The following TNNI2 variants were observed in gnomAD, a reference collection of about 807,000 sequenced individuals.
TNNI2 encodes the protein troponin I2, fast skeletal type.
TNNI2 carries 14 observed loss-of-function variants against 26.5 expected under a neutral mutation model. That is an observed-to-expected ratio of 0.53 (90% confidence interval 0.35 to 0.83). The LOEUF (loss-of-function observed/expected upper bound fraction) is 0.83. TNNI2 is among the 40% of genes least tolerant of loss of function. The pLI is 0.01. For missense variants in TNNI2, 205 were observed against 248.5 expected (o/e 0.82, Z 1.18); for synonymous variants, 126 against 97.6 (o/e 1.29, Z -1.71).
chr11:1,839,690 C>T lies in TNNI2; in HGVS notation c.-7C>T. The T allele has an allele frequency of 1.9e-6, 3 of 1,613,788 alleles. No individual in the cohort carries two copies. Among genetic ancestry groups the T allele is most frequent in the Non-Finnish European group, 2.5e-6 (3 of 1,179,888 alleles). ...CTCCCCACAGGCTCCAAGCTCAGGA[C>T]CTCAGGATGGGAGAGTAAGTGGTAC... is the stretch of plus-strand genomic sequence containing the variant. On this transcript the variant is annotated 5_prime_UTR_variant, in exon 2 of 8. Coordinates refer to ENST00000381911, the MANE Select transcript of TNNI2 (RefSeq NM_003282.4).
In TNNI2 at chr11:1,840,613, A is replaced by G. The variant is rs1847147040; in HGVS notation, c.143A>G (p.His48Arg). The change falls in exon 5 of 8, where the codon CAC becomes CGC. Residue 48 changes from histidine (H) to arginine (R), a missense_variant. Physicochemically the swap from His to Arg is conservative, Grantham distance 29 (BLOSUM62 0). Coordinates refer to ENST00000381911, the MANE Select transcript of TNNI2 (RefSeq NM_003282.4). ...EAEKQNYLAE[H>R]CPPLHIPGSM... ...GAGAAGCAGAACTACCTGGCGGAGC[A>G]CTGCCCGCCGCTGCATATCCCGGGC... 1.2e-6 allele frequency: 2 copies of G among 1,612,640 alleles called. No individual in the cohort carries two copies. The highest frequency in any genetic ancestry group is 2.7e-5 in the African/African-American group (2 of 74,926).
At chr11:1,839,393 GCCAC>G (rs1383083614) in intron 1 of TNNI2, 1 of 503,328 alleles carries the variant, frequency 2.0e-6, no homozygotes, top group Non-Finnish European at 3.6e-6. Flanking sequence ...CACTCAGGCG[GCCAC>G]CTGCGCTGGC....
At chr11:1,841,276 C>T in intron 7 of TNNI2, 69 bp downstream of exon 7, 1 of 1,587,632 alleles carries the variant, frequency 6.3e-7, no homozygotes. Flanking sequence ...CCTGCCCCGC[C>T]TGGGGACCAC....
At chr11:1,840,087 C>T (rs1052649613) in intron 3 of TNNI2, 1 of 1,138,468 alleles carries the variant, frequency 8.8e-7, no homozygotes, top group Non-Finnish European at 1.3e-6. Context: ...AGGGGAATCA[C>T]TTCTTCTTTC....
At chr11:1,840,947 G>A (rs376634557) in intron 6 of TNNI2, 39 bp downstream of exon 6, 319 of 1,602,096 alleles carry the variant, frequency 2.0e-4, no homozygotes, top group East Asian at 2.9e-4. Context: ...GCGGGTAGGC[G>A]GTGGCCCAGC....
intron 1 of TNNI2, chr11:1,839,384 A>C (rs2133032103): frequency 2.0e-6 from 1 of 495,050 alleles, no homozygotes; most frequent in East Asian, 3.2e-5. Flanking sequence ...TAACAGCGTC[A>C]CTCAGGCGGC....
In TNNI2 at chr11:1,841,224, G is replaced by T; in HGVS notation, c.453+17G>T. The T allele has an allele frequency of 2.5e-6, 4 of 1,608,768 alleles. No homozygotes were observed. The highest frequency in any genetic ancestry group is 1.1e-5 in the South Asian group (1 of 90,972). Reference sequence around the variant, plus strand: ...ACAGAGAAGGTGCGTGCCACGGGGGGAGCACCACCACACCTACCCTGCCGG... The same window carrying T: ...ACAGAGAAGGTGCGTGCCACGGGGGTAGCACCACCACACCTACCCTGCCGG... On this transcript the variant is annotated intron_variant, in intron 7 of 7. Transcript: ENST00000381911.
Position 1,840,388 on chromosome 11 carries a change from T to TCCCCTGC in TNNI2, c.16-12_16-6dup. 6.2e-7 allele frequency: 1 copy of TCCCCTGC among 1,606,662 alleles called. No individual in the cohort carries two copies. The highest frequency in any genetic ancestry group is 1.1e-5 in the South Asian group (1 of 90,182). Reference sequence around the variant, plus strand: ...CTGGAGGCCCTGACTCGACCCCCTGTCCCCTGCCCTGCAGAAGCGGAACAG... The same window carrying TCCCCTGC: ...CTGGAGGCCCTGACTCGACCCCCTGTCCCCTGCCCCCTGCCCTGCAGAAGCGGAACAG... On this transcript the variant is annotated splice_polypyrimidine_tract_variant and intron_variant, in intron 3 of 7. Coordinates refer to ENST00000381911, the MANE Select transcript of TNNI2 (RefSeq NM_003282.4).
At chr11:1,839,570 G>A (rs1847117824) in intron 1 of TNNI2, 105 bp from the exon 2 acceptor site, 1 of 1,146,074 alleles carries the variant, frequency 8.7e-7, no homozygotes, top group East Asian at 2.7e-5. Context: ...GTGGGCGGGA[G>A]GGGGCTGTCA....
In TNNI2 at chr11:1,840,931, C is replaced by T. The variant is rs775339549; in HGVS notation, c.276+23C>T. ...GAGGTGAGTGGTGGCGGCGGGCCGG[C>T]GGCAGGCGGGTAGGCGGTGGCCCAG... is the stretch of plus-strand genomic sequence containing the variant. On this transcript the variant is annotated intron_variant, in intron 6 of 7. Transcript: ENST00000381911. 59 of 1,606,734 alleles carry T rather than the reference C, an allele frequency of 3.7e-5. No homozygotes were observed. In the East Asian group the frequency reaches 5.6e-4, roughly 15 times the overall value.
Position 1,840,937 on chromosome 11 carries a change from G to A in TNNI2, c.276+29G>A, listed in dbSNP as rs1352621435. 5.6e-6 allele frequency: 9 copies of A among 1,605,070 alleles called. No individual in the cohort carries two copies. The Admixed American group carries it at 1.0e-4, about 18-fold the overall frequency. Reference sequence around the variant, plus strand: ...AGTGGTGGCGGCGGGCCGGCGGCAGGCGGGTAGGCGGTGGCCCAGCGGGCA... The same window carrying A: ...AGTGGTGGCGGCGGGCCGGCGGCAGACGGGTAGGCGGTGGCCCAGCGGGCA... On this transcript the variant is annotated intron_variant, in intron 6 of 7. Transcript: ENST00000381911.
chr11:1,840,408 G>C lies in TNNI2; in HGVS notation c.21G>C (p.Arg7=). ...CCCTGTCCCCTGCCCTGCAGAAGCG[G>C]AACAGGGCCATCACGGCCCGCAGGC... MGDEEK[R]NRAITARRQH... The change falls in exon 4 of 8, where the codon CGG becomes CGC. Residue 7 remains arginine (R), a synonymous_variant. Transcript: ENST00000381911. The C allele has an allele frequency of 6.2e-7, 1 of 1,610,156 alleles. No homozygotes were observed. The highest frequency in any genetic ancestry group is 8.5e-7 in the Non-Finnish European group (1 of 1,179,306).
intron 7 of TNNI2, 93 bp from the exon 8 acceptor site, chr11:1,841,363 A>G (rs913207289): frequency 1.0e-5 from 16 of 1,531,610 alleles, no homozygotes; most frequent in Non-Finnish European, 1.2e-5. Flanking sequence ...CCACTGCCCA[A>G]TGCAGAGGGT....
Position 1,840,808 on chromosome 11 carries a change from C to G in TNNI2, c.187-11C>G, listed in dbSNP as rs1217455061. 16 of 1,609,684 alleles carry G rather than the reference C, an allele frequency of 9.9e-6. No homozygotes were observed. Among genetic ancestry groups the G allele is most frequent in the African/African-American group, 1.3e-5 (1 of 74,778 alleles). Reference sequence around the variant, plus strand: ...GTCAGGACGGCCGCCCGCCCCCACACCCACCCCTAGGAGCTCTGCAAACAG... The same window carrying G: ...GTCAGGACGGCCGCCCGCCCCCACAGCCACCCCTAGGAGCTCTGCAAACAG... On this transcript the variant is annotated splice_polypyrimidine_tract_variant and intron_variant, in intron 5 of 7. Transcript: ENST00000381911.
intron 1 of TNNI2, chr11:1,839,419 T>G: frequency 1.7e-5 from 5 of 298,958 alleles, no homozygotes; most frequent in African/African-American, 2.2e-5. Context: ...CATCCCACCC[T>G]CCCTCGGGGA....
chr11:1,839,201 G>T (rs917547164), intron 1 of TNNI2, among the ~76,000 whole-genome samples, 168 bp downstream of exon 1: 3 of 152,290 alleles, frequency 2.0e-5, no homozygotes, highest in African/African-American at 7.2e-5. Context: ...TGGGGAGGCA[G>T]CTGTAGCGAG....
chr11:1,839,049 GC>G lies in TNNI2; in HGVS notation c.-23+19del, dbSNP rs1847104036. The stretch of plus-strand genomic sequence containing the variant: ...CAGATTCTAGGTGAGGCCCAGCCCG[GC>G]CCGCCGAGGCCGGGGGACAGGGCGT... On this transcript the variant is annotated intron_variant, in intron 1 of 7. Transcript: ENST00000381911. 1 of 152,364 alleles carries G rather than the reference GC, an allele frequency of 6.6e-6. No individual in the cohort carries two copies. Among genetic ancestry groups the G allele is most frequent in the South Asian group, 2.1e-4 (1 of 4,878 alleles). The allele number at this position is 152,364 out of a possible 1,614,324, so 9.4% of individuals were successfully genotyped here.
rs373113911 is a variant in TNNI2, at chr11:1,841,571, C to A, written c.*20C>A. ...TCCTAGGCCACTCGCTGCCCCTACG[C>A]CTGCCCCGGTGCCCGGCTCCCAGCA... On this transcript the variant is annotated 3_prime_UTR_variant, in exon 8 of 8. Transcript: ENST00000381911. The A allele has an allele frequency of 2.1e-5, 34 of 1,611,484 alleles. No individual in the cohort carries two copies. The highest frequency in any genetic ancestry group is 2.5e-5 in the Non-Finnish European group (29 of 1,177,838).
rs765976764 is a variant in TNNI2, at chr11:1,840,601, A to G, written c.131A>G (p.Tyr44Cys). Residue 44 changes from tyrosine (Y) to cysteine (C), a missense_variant, in exon 5 of 8, where the codon TAC becomes TGC. Physicochemically the swap from Tyr to Cys is radical, Grantham distance 194. Transcript: ENST00000381911. ...ESRREAEKQN[Y>C]LAEHCPPLHI... Reference sequence around the variant, plus strand: ...CGCCGTGAGGCAGAGAAGCAGAACTACCTGGCGGAGCACTGCCCGCCGCTG... The same window carrying G: ...CGCCGTGAGGCAGAGAAGCAGAACTGCCTGGCGGAGCACTGCCCGCCGCTG... 1.2e-6 allele frequency: 2 copies of G among 1,612,692 alleles called. No individual in the cohort carries two copies. Among genetic ancestry groups the G allele is most frequent in the South Asian group, 2.2e-5 (2 of 91,086 alleles).
Sources: allele counts gnomAD v4.1 joint callset (sites outside exome capture counted in the v4.1 genomes callset), GRCh38; gene constraint gnomAD v4.1.1; transcripts MANE v1.5; gene names NCBI Gene and HGNC (gene_info 2026-07-23, HGNC 2026-07-21).